Variants in PIEZO1 observed in about 807,000 individuals in gnomAD.
PIEZO1 encodes the protein piezo type mechanosensitive ion channel component 1 (Er blood group).
In PIEZO1, 296 loss-of-function variants were observed where a neutral mutation model predicts 297.2. That is an observed-to-expected ratio of 1.00 (90% CI 0.91 to 1.10). The LOEUF is 1.10. Ranked by LOEUF, PIEZO1 falls within the 50% of genes least tolerant of loss-of-function variation. The pLI, the probability that PIEZO1 is intolerant of heterozygous loss-of-function variation, is 0.00. For missense variants in PIEZO1, 5,018 were observed against 3,455.5 expected (o/e 1.45, Z -11.34); for synonymous variants, 2,427 against 1,507.5 (o/e 1.61, Z -14.13).
intron 36 of PIEZO1, 66 bp from the exon 37 acceptor site, chr16:88,722,132 T>C: frequency 6.6e-7 from 1 of 1,522,818 alleles, no homozygotes; most frequent in Non-Finnish European, 8.8e-7. Context: ...CCCGATCTGT[T>C]GCCGGTCACA....
At chr16:88,777,662 C>A (rs980984591) in intron 1 of PIEZO1, among the ~76,000 whole-genome samples, 1 of 152,230 alleles carries the variant, frequency 6.6e-6, no homozygotes, top group Non-Finnish European at 1.5e-5. Context: ...GGTACTTTAA[C>A]CATAAACAGA....
intron 10 of PIEZO1, 62 bp from the exon 11 acceptor site, chr16:88,736,801 A>AG: frequency 1.9e-6 from 2 of 1,068,186 alleles, no homozygotes; most frequent in Non-Finnish European, 2.7e-6. Context: ...CACCCTGACT[A>AG]TGCCCTAAAA....
At chr16:88,738,856 G>C in intron 5 of PIEZO1, 120 bp from the exon 6 acceptor site, 1 of 886,134 alleles carries the variant, frequency 1.1e-6, no homozygotes, top group Non-Finnish European at 1.7e-6. Context: ...TCCTCTGAGG[G>C]CCACAGGACA....
chr16:88,776,475 G>A (rs1177081705), intron 1 of PIEZO1, among the ~76,000 whole-genome samples: 4 of 152,136 alleles, frequency 2.6e-5, no homozygotes, highest in Admixed American at 2.6e-4. Context: ...CCAGGACCTG[G>A]TGGCTCAGGG....
Position 88,733,319 on chromosome 16 carries a change from T to C in PIEZO1, c.2623A>G (p.Lys875Glu). 1.3e-6 allele frequency: 2 copies of C among 1,549,576 alleles called. No individual in the cohort carries two copies. Among genetic ancestry groups the C allele is most frequent in the Non-Finnish European group, 1.7e-6 (2 of 1,146,318 alleles). ...GAATACTCCTGGGGGTTGACAACCT[T>C]GAGCTGGTACAGCATCTTACACACG... ...IIVCKMLYQL[K>E]VVNPQEYSSN... The change falls in exon 19 of 51, where the codon AAG becomes GAG. Residue 875 changes from lysine to glutamate, a missense_variant. Physicochemically the swap from Lys to Glu is moderately conservative, Grantham distance 56. Transcript: ENST00000301015.
In PIEZO1 at chr16:88,721,165, C is replaced by G; in HGVS notation, c.5668+1G>C. ...GAGGTTGTGAGGCAGGGCGCTTATA[C>G]CGATGGCTGCCGCTCCTTTCCGTGC... On this transcript the variant is annotated splice_donor_variant, in intron 39 of 50. Transcript: ENST00000301015. LOFTEE classifies it high-confidence loss of function. 6.7e-7 allele frequency: 1 copy of G among 1,498,984 alleles called. No individual in the cohort carries two copies. 92.9% of individuals were successfully genotyped at this position (1,498,984 alleles called of 1,614,324 possible). A position where few individuals can be genotyped will look rare whatever the true frequency, so the allele number is the denominator to read the frequency against.
rs1351705162 is a variant in PIEZO1 at position 88,719,721 on chromosome 16, C to G, written c.6324G>C (p.Gly2108=). The G allele has an allele frequency of 1.9e-6, 3 of 1,550,948 alleles. No individual in the cohort carries two copies. In the East Asian group the frequency reaches 7.3e-5, roughly 38 times the overall value. ...CCACCAGGAACGGCACCAGCCGGAA[C>G]CTGCCCACAGCCAGGGTTCCCGTCA... ...YNHLNLFLFQ[G]FRLVPFLVEL... is the part of the protein sequence containing the mutation. Residue 2108 remains glycine (G), a splice_region_variant and synonymous_variant, in exon 44 of 51, where the codon GGG becomes GGC. Coordinates refer to ENST00000301015, the MANE Select transcript of PIEZO1 (RefSeq NM_001142864.4).
In PIEZO1 at chr16:88,733,381, G is replaced by A. The variant is rs1189050065; in HGVS notation, c.2561C>T (p.Ala854Val). 5.2e-6 allele frequency: 8 copies of A among 1,550,062 alleles called. No homozygotes were observed. The East Asian group carries it at 1.2e-4, about 24-fold the overall frequency. The part of the protein sequence containing the change: ...ALPYPRFRPM[A>V]SCLSTVWTCV... ...GGTCCACACGGTGGACAGGCAGGAG[G>A]CCATGGGCCGGAAGCGTGGGTAGGG... Residue 854 changes from alanine (A) to valine (V), a missense_variant, in exon 19 of 51, where the codon GCC becomes GTC. By Grantham distance (64) the Ala-to-Val change is moderately conservative. Transcript: ENST00000301015.
intron 2 of PIEZO1, among the ~76,000 whole-genome samples, chr16:88,748,668 A>G (rs1014696053): frequency 6.6e-5 from 10 of 152,080 alleles, no homozygotes; most frequent in Non-Finnish European, 1.3e-4. Context: ...GTGGCCTCCC[A>G]AGGGACACAG....
At chr16:88,777,557 G>C (rs1304431619) in intron 1 of PIEZO1, among the ~76,000 whole-genome samples, 1 of 152,258 alleles carries the variant, frequency 6.6e-6, no homozygotes, top group African/African-American at 2.4e-5. Context: ...GAAAGGAAAA[G>C]TAAATCCCCG....
chr16:88,768,789 G>C (rs1031414626), intron 1 of PIEZO1, among the ~76,000 whole-genome samples: 2 of 152,266 alleles, frequency 1.3e-5, no homozygotes, highest in Admixed American at 6.5e-5. Context: ...GCCAGTCTGG[G>C]GTGGGGGCGG....
At chr16:88,743,647 AG>A (rs1905848519) in intron 2 of PIEZO1, 1 of 456,518 alleles carries the variant, frequency 2.2e-6, no homozygotes, top group South Asian at 1.5e-5. Flanking sequence ...TTGGACACTC[AG>A]CCCCCTCTTT....
At chr16:88,772,116 G>C (rs1323841644) in intron 1 of PIEZO1, among the ~76,000 whole-genome samples, 2 of 144,438 alleles carry the variant, frequency 1.4e-5, no homozygotes, top group East Asian at 4.1e-4. Context: ...TGAGACTCTG[G>C]TCAGGATGCC....
intron 1 of PIEZO1, among the ~76,000 whole-genome samples, chr16:88,782,159 G>A (rs1035104332): frequency 6.6e-6 from 1 of 152,156 alleles, no homozygotes; most frequent in African/African-American, 2.4e-5. Flanking sequence ...ACCCAGGCTG[G>A]AGTGCAGTCA....
chr16:88,719,588 G>A lies in PIEZO1; in HGVS notation c.6457C>T (p.Arg2153Ter), dbSNP rs368895635. The A allele has an allele frequency of 1.0e-5, 16 of 1,550,824 alleles. No homozygotes were observed. The highest frequency in any genetic ancestry group is 1.2e-5 in the Non-Finnish European group (14 of 1,147,072). Residue 2153 changes from arginine to a stop codon, truncating the protein, a stop_gained, in exon 44 of 51, where the codon CGA (arginine) becomes TGA (stop). Transcript: ENST00000301015. LOFTEE classifies it high-confidence loss of function. Reference protein sequence around the residue: ...YANIFIIKCSRETEKKYPQPK... With the variant: ...YANIFIIKCS ...GGCCCAGGCACCTTCTCTGTCTCTC[G>A]GCTGCATTTGATGATGAAGATGTTG...
Position 88,748,932 on chromosome 16 carries a change from C to CAA in PIEZO1, c.160+450_160+451dup, listed in dbSNP as rs869031857. On this transcript the variant is annotated intron_variant, in intron 2 of 50. Coordinates refer to ENST00000301015, the MANE Select transcript of PIEZO1 (RefSeq NM_001142864.4). ...TGGGAGATAGAGCGAGACTCGGTCT[C>CAA]AAAAAAAAAAAAAAAAAAAAAAAAG... is the stretch of plus-strand genomic sequence containing the variant. 8.0e-3 allele frequency among the ~76,000 whole-genome samples: 360 copies of CAA among 45,110 alleles called. 11 individuals are homozygous for CAA. The highest frequency in any genetic ancestry group is 7.9e-3 in the Non-Finnish European group (213 of 26,854). 29.6% of individuals were successfully genotyped at this position (45,110 alleles called of 152,430 possible).
At chr16:88,784,351 A>G (rs1908075433) in intron 1 of PIEZO1, among the ~76,000 whole-genome samples, 2 of 152,244 alleles carry the variant, frequency 1.3e-5, no homozygotes, top group African/African-American at 4.8e-5. Context: ...TCAGTCCGGC[A>G]GAGGGGGGTG....
intron 1 of PIEZO1, 67 bp from the exon 2 acceptor site, chr16:88,749,546 G>C (rs1047823856): frequency 3.4e-6 from 4 of 1,183,686 alleles, no homozygotes; most frequent in Non-Finnish European, 2.4e-6. Context: ...AGAGGACAGC[G>C]CACCCACGGC....
intron 22 of PIEZO1, chr16:88,727,915 G>A: frequency 3.1e-6 from 1 of 326,980 alleles, no homozygotes; most frequent in Non-Finnish European, 5.6e-6. Flanking sequence ...GGTGGGGGCT[G>A]CTGGGCCTGA....
Sources: allele counts gnomAD v4.1 joint callset (sites outside exome capture counted in the v4.1 genomes callset), GRCh38; gene constraint gnomAD v4.1.1; transcripts MANE v1.5; gene names NCBI Gene and HGNC (gene_info 2026-07-23, HGNC 2026-07-21).